Variants in AKAP6 observed in about 807,000 individuals in gnomAD.
The protein encoded by AKAP6 is A-kinase anchor protein 6.
In AKAP6, 58 loss-of-function variants were observed where a neutral mutation model predicts 188.5. The observed-to-expected ratio is 0.31, with a 90% CI of 0.25 to 0.38. AKAP6 has a LOEUF of 0.38. Ranked by LOEUF, AKAP6 falls within the 10% of genes least tolerant of loss-of-function variation. The pLI is 1.00. For synonymous variants in AKAP6, 989 were observed against 998.6 expected, an observed-to-expected ratio of 0.99 and a Z score of 0.18; for missense variants, 2,710 against 2,740.0, an observed-to-expected ratio of 0.99 and a Z score of 0.24.
chr14:32,705,235 G>A (rs1277976363), intron 9 of AKAP6, among the ~76,000 whole-genome samples: 1 of 152,040 alleles, frequency 6.6e-6, no homozygotes, highest in Non-Finnish European at 1.5e-5. Context: ...ATTTCTTTGG[G>A]GTAAAGAAGA....
intron 2 of AKAP6, among the ~76,000 whole-genome samples, chr14:32,521,346 G>A (rs1881819404): frequency 6.6e-6 from 1 of 152,026 alleles, no homozygotes; most frequent in South Asian, 2.1e-4. Context: ...GGGCAATCAA[G>A]CAGGAGAAAG....
chr14:32,334,588 A>G (rs1414691553), intron 1 of AKAP6, among the ~76,000 whole-genome samples: 1 of 152,170 alleles, frequency 6.6e-6, no homozygotes, highest in East Asian at 1.9e-4. Flanking sequence ...AAACTTTATC[A>G]CAGGTATATA....
At chr14:32,754,281 T>C (rs954365283) in intron 11 of AKAP6, among the ~76,000 whole-genome samples, 2 of 152,116 alleles carry the variant, frequency 1.3e-5, no homozygotes, top group African/African-American at 4.8e-5. Context: ...GTGAAAGTTT[T>C]TGTCTGATAA....
rs773254233 is a variant in AKAP6 at position 32,678,304 on chromosome 14, T to C, written c.2731-7T>C. ...AAACAGCAATTTCTCTTTGTTTCTC[T>C]TTCCAGGCTGAGGTTCAACTATGCT... On this transcript the variant is annotated splice_polypyrimidine_tract_variant and splice_region_variant and intron_variant, in intron 7 of 13. Transcript: ENST00000280979. 12 of 1,604,772 alleles carry C rather than the reference T, an allele frequency of 7.5e-6. No homozygotes were observed. The highest frequency in any genetic ancestry group is 1.0e-5 in the Non-Finnish European group (12 of 1,173,166).
chr14:32,359,996 G>A (rs1367704534), intron 1 of AKAP6, among the ~76,000 whole-genome samples: 1 of 152,124 alleles, frequency 6.6e-6, no homozygotes, highest in African/African-American at 2.4e-5. Flanking sequence ...CACACTCAAG[G>A]GAAGAGAAAT....
intron 12 of AKAP6, among the ~76,000 whole-genome samples, chr14:32,815,715 C>G (rs956529000): frequency 6.6e-6 from 1 of 152,190 alleles, no homozygotes; most frequent in Non-Finnish European, 1.5e-5. Flanking sequence ...GCCATACTAT[C>G]GTCTCCTCAC....
chr14:32,617,505 C>T (rs1323401315), intron 7 of AKAP6, among the ~76,000 whole-genome samples: 1 of 152,172 alleles, frequency 6.6e-6, no homozygotes, highest in East Asian at 1.9e-4. Flanking sequence ...GTTCATTGTT[C>T]TGCACACTGC....
chr14:32,476,125 CAT>C (rs58093360), intron 2 of AKAP6, among the ~76,000 whole-genome samples: 39,638 of 151,826 alleles, frequency 0.26, 5,589 homozygotes, highest in Middle Eastern at 0.3. Flanking sequence ...TGTTCTTAAA[CAT>C]ATTTTTGTGA....
intron 2 of AKAP6, among the ~76,000 whole-genome samples, chr14:32,446,348 G>A (rs904909829): frequency 1.4e-4 from 22 of 152,016 alleles, no homozygotes; most frequent in Admixed American, 9.8e-4. Flanking sequence ...AACGAGCTAG[G>A]TAAATAAAAA....
At chr14:32,539,297 GGT>G (rs1882816933) in intron 3 of AKAP6, among the ~76,000 whole-genome samples, 1 of 152,190 alleles carries the variant, frequency 6.6e-6, no homozygotes, top group Non-Finnish European at 1.5e-5. Context: ...TAGATGGTGT[GGT>G]AAGCACTTAC....
At chr14:32,440,158 T>A (rs938225905) in intron 2 of AKAP6, among the ~76,000 whole-genome samples, 9 of 152,192 alleles carry the variant, frequency 5.9e-5, no homozygotes, top group African/African-American at 2.2e-4. Context: ...GCTTCATCCA[T>A]GTCCCTACAA....
At position 32,545,708 on chromosome 14, in the gene AKAP6, C is replaced by T; in HGVS notation, c.1055C>T (p.Ser352Phe). ...GTGCAGCAAGAATCCAGTTCCTCCT[C>T]CCATCATGATGCAAAGAATCAGCAG... ...ETVQQESSSS[S>F]HHDAKNQQPV... The change falls in exon 4 of 14, where the codon TCC becomes TTC. Residue 352 changes from serine (S) to phenylalanine (F), a missense_variant. By Grantham distance (155) the Ser-to-Phe change is radical (BLOSUM62 -2). Transcript: ENST00000280979. 1.9e-6 allele frequency: 3 copies of T among 1,614,172 alleles called. No homozygotes were observed. Among genetic ancestry groups the T allele is most frequent in the Non-Finnish European group, 1.7e-6 (2 of 1,180,018 alleles).
chr14:32,687,430 CTCTCTCTCTCTT>C (rs1349510123), intron 8 of AKAP6, among the ~76,000 whole-genome samples: 1 of 140,452 alleles, frequency 7.1e-6, no homozygotes, highest in Non-Finnish European at 1.5e-5. Flanking sequence ...CTCTCTCTCT[CTCTCTCTCTCTT>C]TCTCTCTTTC....
chr14:32,698,967 T>G (rs1890516721), intron 9 of AKAP6, among the ~76,000 whole-genome samples: 1 of 152,140 alleles, frequency 6.6e-6, no homozygotes, highest in South Asian at 2.1e-4. Context: ...CTTCTCTCCC[T>G]GGGTGTCTCT....
rs151018466 is a variant in AKAP6 at position 32,371,217 on chromosome 14, A to G, written c.-35+41809A>G. On this transcript the variant is annotated intron_variant, in intron 1 of 13. Transcript: ENST00000280979. Reference sequence around the variant, plus strand: ...TATACATGCATTTTATAGAGCTAGAACACACATATGTCAAAAGTCACCTTA... The same window carrying G: ...TATACATGCATTTTATAGAGCTAGAGCACACATATGTCAAAAGTCACCTTA... Among the ~76,000 whole-genome samples, 166 of 152,348 alleles carry G rather than the reference A, an allele frequency of 1.1e-3. 2 individuals carry two copies. The highest frequency in any genetic ancestry group is 3.8e-3 in the African/African-American group (159 of 41,586).
At chr14:32,339,737 A>G (rs1381007801) in intron 1 of AKAP6, among the ~76,000 whole-genome samples, 1 of 152,190 alleles carries the variant, frequency 6.6e-6, no homozygotes, top group Non-Finnish European at 1.5e-5. Context: ...GTTGCTATTA[A>G]AAATGCTCTA....
chr14:32,747,231 G>A (rs188433943), intron 11 of AKAP6, among the ~76,000 whole-genome samples: 1 of 152,250 alleles, frequency 6.6e-6, no homozygotes, highest in East Asian at 1.9e-4. Context: ...AGATGAGTTT[G>A]AAAGACAGGA....
chr14:32,606,433 T>C (rs10483415), intron 7 of AKAP6, among the ~76,000 whole-genome samples: 3,957 of 152,260 alleles, frequency 0.026, 158 homozygotes, highest in African/African-American at 0.088. Context: ...TTTCTTTACT[T>C]TTCACTTACG....
chr14:32,511,653 A>T (rs1594694491), intron 2 of AKAP6, among the ~76,000 whole-genome samples: 1 of 152,190 alleles, frequency 6.6e-6, no homozygotes, highest in African/African-American at 2.4e-5. Context: ...CTAGGATTAC[A>T]GGTTGTATTA....
Sources: gnomAD v4.1 joint callset for allele counts (sites outside exome capture counted in the v4.1 genomes callset) on GRCh38, gnomAD v4.1.1 for gene constraint, MANE v1.5 for transcripts, NCBI Gene and HGNC (gene_info 2026-07-23, HGNC 2026-07-21) for gene names.